Variants in CCND3 observed in about 807,000 individuals in gnomAD.
CCND3 encodes cyclin D3, also known as G1/S-specific cyclin-D3.
Under a neutral mutation model 28.7 loss-of-function variants are expected in CCND3, and 9 were observed. The ratio of observed to expected loss-of-function variants is 0.31; its 90% confidence interval spans 0.19 to 0.55. The LOEUF is 0.55. CCND3 is among the 20% of genes least tolerant of loss of function. The pLI, the probability that CCND3 is intolerant of heterozygous loss-of-function variation, is 0.93. For missense variants in CCND3, 315 were observed against 385.8 expected (o/e 0.82, Z 1.54); for synonymous variants, 164 against 163.9 (o/e 1.00, Z 0.00).
At chr6:42,044,776 T>C (rs901519280) in intron 1 of CCND3, among the ~76,000 whole-genome samples, 3 of 147,048 alleles carry the variant, frequency 2.0e-5, no homozygotes, top group East Asian at 2.1e-4. Context: ...TTCTTTTCTT[T>C]CTTTCCTTTT....
Position 41,935,680 on chromosome 6 carries a change from C to T in CCND3, c.*260G>A. On this transcript the variant is annotated 3_prime_UTR_variant, in exon 5 of 5. Transcript: ENST00000372991. ...CCAATTCTGTCCCATCAGCCTGGCC[C>T]ACCCCCAGCTAGAGTTGGGAAAGGC... 1 of 545,064 alleles carries T rather than the reference C, an allele frequency of 1.8e-6. No homozygotes were observed. Among genetic ancestry groups the T allele is most frequent in the Non-Finnish European group, 3.3e-6 (1 of 302,780 alleles). The allele number at this position is 545,064 out of a possible 1,614,324, so 33.8% of individuals were successfully genotyped here.
At chr6:41,976,104 C>A (rs1336719398) in intron 1 of CCND3, among the ~76,000 whole-genome samples, 3 of 152,234 alleles carry the variant, frequency 2.0e-5, no homozygotes, top group Admixed American at 6.5e-5. Context: ...GTAATCCCAG[C>A]ACTTTGGGAG....
In CCND3 at chr6:42,000,263, G is replaced by GTTTTTA. The variant is rs1762958941; in HGVS notation, c.-46+48237_-46+48238insTAAAAA. 1.2e-4 allele frequency among the ~76,000 whole-genome samples: 10 copies of GTTTTTA among 84,994 alleles called. 1 individual carries two copies. The highest frequency in any genetic ancestry group is 9.7e-4 in the South Asian group (2 of 2,058). The allele number at this position is 84,994 out of a possible 152,430, so 55.8% of individuals were successfully genotyped here. On this transcript the variant is annotated intron_variant, in intron 1 of 4. Coordinates refer to the CCND3 transcript ENST00000372988. ...TTTTTTTTTTTTTTTTTTTTTTTTG[G>GTTTTTA]GACAGAGTCTCTGTCGCCCAGGTTG...
intron 1 of CCND3, among the ~76,000 whole-genome samples, chr6:41,998,651 T>TA (rs1762888905): frequency 6.6e-6 from 1 of 150,986 alleles, no homozygotes; most frequent in Non-Finnish European, 1.5e-5. Flanking sequence ...TTATAGCACT[T>TA]ACATCATGCC....
chr6:42,000,428 G>A (rs1762967116), intron 1 of CCND3, among the ~76,000 whole-genome samples: 1 of 150,520 alleles, frequency 6.6e-6, no homozygotes, highest in Admixed American at 6.6e-5. Flanking sequence ...TTTTAGTAGA[G>A]ACAGGGTTTC....
chr6:41,998,287 C>CA (rs70987560), intron 1 of CCND3, among the ~76,000 whole-genome samples: 5 of 118,284 alleles, frequency 4.2e-5, no homozygotes, highest in African/African-American at 1.3e-4. Flanking sequence ...GACTCCACCT[C>CA]AAAAAAAAAA....
At chr6:41,959,466 C>T (rs1761643079) in intron 1 of CCND3, among the ~76,000 whole-genome samples, 1 of 151,086 alleles carries the variant, frequency 6.6e-6, no homozygotes, top group Non-Finnish European at 1.5e-5. Flanking sequence ...GGGCAGATCA[C>T]AAGGTCAGGA....
chr6:41,940,927 C>G, intron 1 of CCND3: 1 of 1,598,352 alleles, frequency 6.3e-7, no homozygotes, highest in Middle Eastern at 1.7e-4. Context: ...GACCTCACCC[C>G]CATCACCGCC....
At chr6:42,045,093 T>C (rs984841948) in intron 1 of CCND3, among the ~76,000 whole-genome samples, 4 of 151,794 alleles carry the variant, frequency 2.6e-5, no homozygotes, top group Non-Finnish European at 5.9e-5. Context: ...CGTGAGCCAC[T>C]GTGCCCAGTG....
At chr6:41,967,879 T>C (rs1356861387) in intron 1 of CCND3, among the ~76,000 whole-genome samples, 6 of 152,228 alleles carry the variant, frequency 3.9e-5, no homozygotes, top group Admixed American at 3.9e-4. Context: ...AAGGTGGTTA[T>C]TTATTTGCCT....
At chr6:42,043,715 C>G (rs1764440129) in intron 1 of CCND3, among the ~76,000 whole-genome samples, 1 of 152,154 alleles carries the variant, frequency 6.6e-6, no homozygotes, top group Admixed American at 6.5e-5. Flanking sequence ...TCAGGGTGTC[C>G]TTGCTCATTC....
At chr6:41,948,224 T>C (rs1185614448) in intron 1 of CCND3, among the ~76,000 whole-genome samples, 2 of 152,186 alleles carry the variant, frequency 1.3e-5, no homozygotes, top group African/African-American at 4.8e-5. Context: ...TGATCACTAG[T>C]ATAGCATATA....
chr6:42,043,572 C>T (rs1054887108), intron 1 of CCND3, among the ~76,000 whole-genome samples: 3 of 151,852 alleles, frequency 2.0e-5, no homozygotes, highest in Non-Finnish European at 4.4e-5. Context: ...TGGCGCCACG[C>T]GTGTTGTCCC....
At chr6:41,986,716 G>A (rs540641495) in intron 1 of CCND3, among the ~76,000 whole-genome samples, 1 of 152,118 alleles carries the variant, frequency 6.6e-6, no homozygotes, top group East Asian at 1.9e-4. Flanking sequence ...CATCTGCAGA[G>A]ACAATGTTAC....
chr6:41,981,787 G>A (rs1347487077), intron 1 of CCND3, among the ~76,000 whole-genome samples: 1 of 151,770 alleles, frequency 6.6e-6, no homozygotes, highest in Non-Finnish European at 1.5e-5. Flanking sequence ...GCCTCCCAAA[G>A]TGCTGGGATT....
chr6:42,036,403 ATTTT>A (rs57849655), intron 1 of CCND3, among the ~76,000 whole-genome samples: 6 of 31,318 alleles, frequency 1.9e-4, no homozygotes, highest in African/African-American at 8.7e-4. Context: ...ATATATATAT[ATTTT>A]TTTTTTTTTT....
chr6:41,941,160 C>T lies in CCND3; in HGVS notation c.198+292G>A, dbSNP rs569233520. The T allele has an allele frequency of 4.8e-6, 7 of 1,460,092 alleles. No individual in the cohort carries two copies. The African/African-American group carries it at 8.5e-5, about 18-fold the overall frequency. The allele number at this position is 1,460,092 out of a possible 1,614,324, so 90.4% of individuals were successfully genotyped here. On this transcript the variant is annotated intron_variant, in intron 1 of 4. Coordinates refer to ENST00000372991, the MANE Select transcript of CCND3 (RefSeq NM_001760.5). The surrounding 1 kb of genome is among the most constrained non-coding windows in gnomAD (Gnocchi z 6.1). ...CCGGGAGGCGGAGGGAAGCGGGAGA[C>T]GCTGTGAGAAGCCGAAGGGGAGAGA...
chr6:41,982,105 AC>A (rs1449407632), intron 1 of CCND3, among the ~76,000 whole-genome samples: 3 of 151,696 alleles, frequency 2.0e-5, no homozygotes, highest in Non-Finnish European at 4.4e-5. Context: ...CCCTGTCTCT[AC>A]TAAAAATACA....
intron 1 of CCND3, among the ~76,000 whole-genome samples, chr6:41,968,163 G>A (rs1175289498): frequency 6.6e-6 from 1 of 152,096 alleles, no homozygotes; most frequent in Admixed American, 6.6e-5. Flanking sequence ...GGGGTATAAA[G>A]TGTCATCAAT....
Sources: gnomAD v4.1 joint callset for allele counts (sites outside exome capture counted in the v4.1 genomes callset) on GRCh38, gnomAD v4.1.1 for gene constraint, Gnocchi (gnomAD v3.1) non-coding constraint, MANE v1.5 for transcripts, NCBI Gene and HGNC (gene_info 2026-07-23, HGNC 2026-07-21) for gene names.